ZFPM2: variants seen among roughly 807,000 people sequenced by gnomAD.
ZFPM2 encodes the protein zinc finger protein ZFPM2.
In ZFPM2, 20 loss-of-function variants were observed where a neutral mutation model predicts 98.6. The observed-to-expected ratio is 0.20, with a 90% confidence interval of 0.14 to 0.29. The LOEUF is 0.29. Among genes scored for constraint, ZFPM2 ranks in the 10% least tolerant of loss-of-function variants. The pLI is 1.00. For missense variants in ZFPM2, 1,310 were observed against 1,388.6 expected, an observed-to-expected ratio of 0.94 and a Z score of 0.90; for synonymous variants, 518 against 502.7, an observed-to-expected ratio of 1.03 and a Z score of -0.41.
chr8:105,459,205 C>T (rs1768948444), intron 3 of ZFPM2, among the ~76,000 whole-genome samples: 1 of 152,274 alleles, frequency 6.6e-6, no homozygotes, highest in Middle Eastern at 3.4e-3. Context: ...CACAATCATG[C>T]CCAGCTAGTT....
chr8:105,546,908 A>T (rs1233417813), intron 3 of ZFPM2, among the ~76,000 whole-genome samples: 1 of 152,174 alleles, frequency 6.6e-6, no homozygotes, highest in Non-Finnish European at 1.5e-5. Flanking sequence ...ATAATGTCTC[A>T]TATATTTTCT....
chr8:105,502,493 GAGA>G (rs1301774989), intron 3 of ZFPM2, among the ~76,000 whole-genome samples: 2 of 152,072 alleles, frequency 1.3e-5, no homozygotes, highest in South Asian at 2.1e-4. Flanking sequence ...AGAAAAGAAG[GAGA>G]AGAAGAAAAA....
intron 1 of ZFPM2, among the ~76,000 whole-genome samples, chr8:105,331,166 T>TACAC (rs1225728216): frequency 1.9e-5 from 2 of 107,750 alleles, no homozygotes; most frequent in Non-Finnish European, 4.4e-5. Context: ...ATATATATAT[T>TACAC]ATACACACAC....
chr8:105,532,976 C>T lies in ZFPM2; in HGVS notation c.302-28387C>T, dbSNP rs141519769. On this transcript the variant is annotated intron_variant, in intron 3 of 7. Transcript: ENST00000407775. The stretch of plus-strand genomic sequence containing the variant: ...ATGTCTGTATCACTACATTAGTATT[C>T]AGAATGATGCTTTTTATATCATAAA... 1.4e-4 allele frequency among the ~76,000 whole-genome samples: 21 copies of T among 152,126 alleles called. No homozygotes were observed. The South Asian group carries it at 4.2e-3, about 30-fold the overall frequency.
chr8:105,329,877 T>C (rs1812179807), intron 1 of ZFPM2, among the ~76,000 whole-genome samples: 1 of 151,786 alleles, frequency 6.6e-6, no homozygotes, highest in Non-Finnish European at 1.5e-5. Context: ...GTGATGAGAT[T>C]ATTAGAATGT....
intron 5 of ZFPM2, among the ~76,000 whole-genome samples, chr8:105,707,824 A>G (rs199599907): frequency 1.1e-3 from 167 of 152,336 alleles, no homozygotes; most frequent in African/African-American, 3.9e-3. Flanking sequence ...TAAACATCCA[A>G]CATATATGAC....
chr8:105,358,211 A>G (rs1378794278), intron 1 of ZFPM2, among the ~76,000 whole-genome samples: 2 of 151,894 alleles, frequency 1.3e-5, no homozygotes, highest in Non-Finnish European at 2.9e-5. Context: ...CAGCATTTAT[A>G]GGGTTGGTTT....
At chr8:105,439,027 T>TC (rs952236332) in intron 2 of ZFPM2, among the ~76,000 whole-genome samples, 3 of 152,188 alleles carry the variant, frequency 2.0e-5, no homozygotes, top group Admixed American at 1.3e-4. Flanking sequence ...ACTGTTTTTT[T>TC]TATTTTTCAT....
intron 3 of ZFPM2, among the ~76,000 whole-genome samples, chr8:105,507,481 G>A (rs1224240337): frequency 1.3e-5 from 2 of 152,156 alleles, no homozygotes; most frequent in Non-Finnish European, 2.9e-5. Context: ...ATCCAGTTGG[G>A]CCTCACTTTA....
chr8:105,750,252 A>G (rs1483351128), intron 5 of ZFPM2, among the ~76,000 whole-genome samples: 5 of 152,148 alleles, frequency 3.3e-5, no homozygotes, highest in Non-Finnish European at 5.9e-5. Context: ...AATGGTTGCA[A>G]ATAGTTATCT....
chr8:105,445,418 AT>A (rs1017895405), intron 3 of ZFPM2, among the ~76,000 whole-genome samples: 8 of 152,208 alleles, frequency 5.3e-5, no homozygotes, highest in African/African-American at 1.9e-4. Flanking sequence ...TTATTACCAC[AT>A]TTTAAGAGTT....
At chr8:105,405,487 G>T (rs1415932542) in intron 1 of ZFPM2, among the ~76,000 whole-genome samples, 3 of 145,650 alleles carry the variant, frequency 2.1e-5, no homozygotes, top group African/African-American at 5.1e-5. Flanking sequence ...TGTCCATGTG[G>T]TCTCATTGTT....
intron 4 of ZFPM2, among the ~76,000 whole-genome samples, chr8:105,591,280 C>A (rs1815837819): frequency 6.6e-6 from 1 of 150,376 alleles, no homozygotes; most frequent in Non-Finnish European, 1.5e-5. Flanking sequence ...CAACAAAAAA[C>A]CAAGTGGCAT....
At chr8:105,547,414 C>T (rs1366051319) in intron 3 of ZFPM2, among the ~76,000 whole-genome samples, 1 of 151,524 alleles carries the variant, frequency 6.6e-6, no homozygotes, top group Non-Finnish European at 1.5e-5. Flanking sequence ...TGGTGGTGGG[C>T]ACCTGTAATC....
At chr8:105,446,627 A>T (rs1232938202) in intron 3 of ZFPM2, among the ~76,000 whole-genome samples, 9 of 152,184 alleles carry the variant, frequency 5.9e-5, no homozygotes, top group Non-Finnish European at 1.2e-4. Context: ...TATTTAATTT[A>T]ATGTTTTTAT....
intron 1 of ZFPM2, among the ~76,000 whole-genome samples, chr8:105,357,524 TA>T (rs1812771131): frequency 6.6e-6 from 1 of 152,286 alleles, no homozygotes; most frequent in South Asian, 2.1e-4. Context: ...ACTACAAATT[TA>T]AAAACCATAA....
rs34262627 is a variant in ZFPM2, at chr8:105,655,223, C to CTTT, written c.532+20889_532+20891dup. 5.3e-3 allele frequency among the ~76,000 whole-genome samples: 406 copies of CTTT among 76,098 alleles called. 2 individuals are homozygous for CTTT. Among genetic ancestry groups the CTTT allele is most frequent in the Non-Finnish European group, 6.5e-3 (265 of 40,566 alleles). The allele number at this position is 76,098 out of a possible 152,430, so 49.9% of individuals were successfully genotyped here. A position where few individuals can be genotyped will look rare whatever the true frequency, so the allele number is the denominator to read the frequency against. ...TAAGCATTATTTTCTTGCATTGAGT[C>CTTT]TTTTTTTTTTTTTTTTTTTTTTTTT... On this transcript the variant is annotated intron_variant, in intron 5 of 7. Coordinates refer to ENST00000407775, the MANE Select transcript of ZFPM2 (RefSeq NM_012082.4).
intron 5 of ZFPM2, among the ~76,000 whole-genome samples, chr8:105,744,259 C>T (rs568896696): frequency 6.6e-6 from 1 of 152,148 alleles, no homozygotes; most frequent in East Asian, 1.9e-4. Flanking sequence ...AACAGTAAAA[C>T]CATGGTGCAC....
intron 1 of ZFPM2, among the ~76,000 whole-genome samples, chr8:105,404,349 G>A (rs929392287): frequency 4.0e-5 from 6 of 151,842 alleles, no homozygotes; most frequent in Non-Finnish European, 4.4e-5. Context: ...TCATTGGAAC[G>A]GATTCATTCC....
Sources: allele counts gnomAD v4.1 joint callset (sites outside exome capture counted in the v4.1 genomes callset), GRCh38; gene constraint gnomAD v4.1.1; transcripts MANE v1.5; gene names NCBI Gene and HGNC (gene_info 2026-07-23, HGNC 2026-07-21).